KLF8: variants seen among roughly 807,000 people sequenced by gnomAD.
KLF8 encodes Krueppel-like factor 8.
KLF8 carries 10 observed loss-of-function variants against 18.2 expected under a neutral mutation model. The observed-to-expected ratio is 0.55, with a 90% CI of 0.34 to 0.93. The LOEUF is 0.93. Among genes scored for constraint, KLF8 ranks in the 40% least tolerant of loss-of-function variants. The probability of loss-of-function intolerance (pLI) is 0.02; values close to 1 mark genes in which losing one functional copy is unlikely to be tolerated. For missense variants in KLF8, 264 were observed against 277.9 expected (o/e 0.95, Z 0.36); for synonymous variants, 109 against 97.3 (o/e 1.12, Z -0.71).
intron 1 of KLF8, among the ~76,000 whole-genome samples, chrX:56,236,485 C>A (rs899759348): frequency 4.5e-5 from 5 of 110,903 alleles, no homozygotes; most frequent in African/African-American, 1.6e-4. Context: ...TAATTAGATG[C>A]CAATGGCTGT....
the KLF8 span, among the ~76,000 whole-genome samples, chrX:56,040,855 G>C: frequency 4.2e-5 from 1 of 23,759 alleles, no homozygotes; most frequent in East Asian, 1.5e-3. Context: ...ACCTTTGGTA[G>C]AATTCAGCTG....
the KLF8 span, among the ~76,000 whole-genome samples, chrX:56,045,119 T>C: frequency 8.9e-6 from 1 of 111,982 alleles, no homozygotes; most frequent in African/African-American, 3.2e-5. Flanking sequence ...ACGTATGGCT[T>C]GCTAGTTATT....
chrX:56,187,854 G>C, the KLF8 span, among the ~76,000 whole-genome samples: 1 of 111,719 alleles, frequency 9.0e-6, no homozygotes, highest in East Asian at 2.8e-4. Context: ...CAATAAATTA[G>C]GTATTGACAG....
the KLF8 span, among the ~76,000 whole-genome samples, chrX:56,055,324 T>C: frequency 8.9e-6 from 1 of 111,973 alleles, no homozygotes. Context: ...TTATTTTCTT[T>C]TTGCTTATGA....
the KLF8 span, among the ~76,000 whole-genome samples, chrX:56,177,496 G>T: frequency 2.3e-4 from 25 of 110,772 alleles, no homozygotes; most frequent in South Asian, 9.3e-3. Flanking sequence ...GCCATGTGAG[G>T]TGTCCATCTG....
chrX:55,999,800 A>T, the KLF8 span, among the ~76,000 whole-genome samples: 1 of 111,581 alleles, frequency 9.0e-6, no homozygotes, highest in Non-Finnish European at 1.9e-5. Context: ...GCAAAAAAAG[A>T]TAGTTCAACT....
At chrX:55,951,441 A>G in the KLF8 span, among the ~76,000 whole-genome samples, 2 of 103,633 alleles carry the variant, frequency 1.9e-5, no homozygotes, top group Non-Finnish European at 3.9e-5. Context: ...ATGCCATTGC[A>G]CTCCAGCCTG....
rs1410997366 is a variant in KLF8 at position 56,290,328 on chromosome X, T to C, written c.*5834T>C. On this transcript the variant is annotated 3_prime_UTR_variant, in exon 6 of 6. Transcript: ENST00000468660. ...AGTGAACAACCAAGTATTATAACCA[T>C]TGTTATAATGATAGTTATAGTACCT... is the stretch of plus-strand genomic sequence containing the variant. 1.8e-5 allele frequency among the ~76,000 whole-genome samples: 2 copies of C among 111,756 alleles called. No individual in the cohort carries two copies. Among genetic ancestry groups the C allele is most frequent in the Admixed American group, 9.5e-5 (1 of 10,516 alleles).
At chrX:56,053,261 G>T in the KLF8 span, among the ~76,000 whole-genome samples, 1 of 111,901 alleles carries the variant, frequency 8.9e-6, no homozygotes, top group Admixed American at 9.4e-5. Flanking sequence ...TTCCTATTCT[G>T]CTATCTTGGC....
chrX:56,087,929 A>G, the KLF8 span, among the ~76,000 whole-genome samples: 1 of 109,734 alleles, frequency 9.1e-6, no homozygotes, highest in Non-Finnish European at 1.9e-5. Context: ...TTTTTTTACC[A>G]TTAGTCAATT....
the KLF8 span, among the ~76,000 whole-genome samples, chrX:56,174,656 G>A: frequency 6.3e-5 from 7 of 111,953 alleles, no homozygotes; most frequent in African/African-American, 1.9e-4. Flanking sequence ...GATTGGAATA[G>A]TTTCAGAAGG....
At chrX:55,938,852 C>G in the KLF8 span, among the ~76,000 whole-genome samples, 1 of 111,833 alleles carries the variant, frequency 8.9e-6, no homozygotes, top group African/African-American at 3.3e-5. Flanking sequence ...GCACCCAATA[C>G]AGGAGCACCC....
upstream of KLF8, among the ~76,000 whole-genome samples, chrX:56,230,988 GA>G (rs899424648): frequency 4.6e-5 from 5 of 109,034 alleles, no homozygotes; most frequent in Non-Finnish European, 7.7e-5. Context: ...GGACATGCAA[GA>G]AAAAAAAAGG....
At position 56,289,862 on chromosome X, in the gene KLF8, A is replaced by G. The variant is rs1160484234; in HGVS notation, c.*5368A>G. 9.0e-6 allele frequency among the ~76,000 whole-genome samples: 1 copy of G among 111,587 alleles called. No individual in the cohort carries two copies. Among genetic ancestry groups the G allele is most frequent in the Admixed American group, 9.5e-5 (1 of 10,498 alleles). On this transcript the variant is annotated 3_prime_UTR_variant, in exon 6 of 6. Transcript: ENST00000468660. Reference sequence around the variant, plus strand: ...ACAAAGTGGTCTGCAAAATTCTGGAATTAGGGATTTCTGTGATCTGAGTTC... The same window carrying G: ...ACAAAGTGGTCTGCAAAATTCTGGAGTTAGGGATTTCTGTGATCTGAGTTC...
chrX:56,170,887 C>T, the KLF8 span, among the ~76,000 whole-genome samples: 1 of 111,576 alleles, frequency 9.0e-6, no homozygotes, highest in Non-Finnish European at 1.9e-5. Context: ...GGCATTTAAT[C>T]GGAAACTCTC....
the KLF8 span, among the ~76,000 whole-genome samples, chrX:55,936,898 C>G: frequency 8.9e-6 from 1 of 112,066 alleles, no homozygotes; most frequent in Non-Finnish European, 1.9e-5. Flanking sequence ...TGGGTGGAGC[C>G]CACCACAGCT....
At chrX:56,192,963 G>T in the KLF8 span, among the ~76,000 whole-genome samples, 57 of 112,072 alleles carry the variant, frequency 5.1e-4, 1 homozygote, top group South Asian at 2.6e-3. Flanking sequence ...AGCAAAAATG[G>T]ACAAATGGGA....
chrX:55,928,696 G>A, the KLF8 span, among the ~76,000 whole-genome samples: 2 of 111,991 alleles, frequency 1.8e-5, 1 homozygote, highest in Middle Eastern at 9.2e-3. Flanking sequence ...CAAAGAACAT[G>A]AACTCATCCT....
At chrX:56,190,466 A>G in the KLF8 span, among the ~76,000 whole-genome samples, 84 of 111,818 alleles carry the variant, frequency 7.5e-4, 1 homozygote, top group Non-Finnish European at 1.5e-3. Flanking sequence ...AATCTGCACT[A>G]TAGATCACAT....
Sources: allele counts gnomAD v4.1 joint callset (sites outside exome capture counted in the v4.1 genomes callset), GRCh38; gene constraint gnomAD v4.1.1; transcripts MANE v1.5; gene names NCBI Gene and HGNC (gene_info 2026-07-23, HGNC 2026-07-21).